Variants in COL16A1 observed in about 807,000 individuals in gnomAD.
COL16A1 encodes the protein collagen alpha-1(XVI) chain.
Under a neutral mutation model 266.3 loss-of-function variants are expected in COL16A1, and 189 were observed. That is an observed-to-expected ratio of 0.71 (90% CI 0.63 to 0.80). The LOEUF is 0.80. Ranked by LOEUF, COL16A1 falls within the 30% of genes least tolerant of loss-of-function variation. The probability of loss-of-function intolerance (pLI) is 0.00; values close to 1 mark genes in which losing one functional copy is unlikely to be tolerated. For missense variants in COL16A1, 1,928 were observed against 2,122.4 expected (o/e 0.91, Z 1.80); for synonymous variants, 740 against 782.3 (o/e 0.95, Z 0.90).
chr1:31,683,080 ACAGATCTTAGG>A, intron 36 of COL16A1, 78 bp from the exon 37 acceptor site: 3 of 1,610,120 alleles, frequency 1.9e-6, no homozygotes, highest in Non-Finnish European at 2.5e-6. Flanking sequence ...ACACATCTCA[ACAGATCTTAGG>A]CAGCCCTCTG....
chr1:31,665,393 T>A, intron 55 of COL16A1, 159 bp from the exon 56 acceptor site: 1 of 1,400,052 alleles, frequency 7.1e-7, no homozygotes, highest in Non-Finnish European at 9.7e-7. Context: ...CCTGCTGGGC[T>A]GGGGCCCACA....
Position 31,684,875 on chromosome 1 carries a change from C to T in COL16A1, c.2017-19G>A. ...CCTTGCCCTGAGGAGAAAGCATTTCCAGCACCCGCTCACTCATACCAGCCA... is the reference window on the plus strand; with the variant it reads ...CCTTGCCCTGAGGAGAAAGCATTTCTAGCACCCGCTCACTCATACCAGCCA... On this transcript the variant is annotated intron_variant, in intron 29 of 70. Coordinates refer to ENST00000373672, the MANE Select transcript of COL16A1 (RefSeq NM_001856.4). 1 of 1,613,426 alleles carries T rather than the reference C, an allele frequency of 6.2e-7. No homozygotes were observed. Among genetic ancestry groups the T allele is most frequent in the Non-Finnish European group, 8.5e-7 (1 of 1,180,026 alleles).
In COL16A1 at chr1:31,655,446, G is replaced by C. The variant is rs534878932; in HGVS notation, c.4158C>G (p.Gly1386=). The C allele has an allele frequency of 3.2e-5, 52 of 1,614,164 alleles. 1 individual carries two copies. The South Asian group carries it at 5.6e-4, about 17-fold the overall frequency. Residue 1386 remains glycine (G), a synonymous_variant, in exon 67 of 71, where the codon GGC becomes GGG. Transcript: ENST00000373672. ...CACTCTTGCCAGGTCCACCAGGCAT[G>C]CCGGCTCTCCCCTTCTCTCCTGCCT... ...KGQAGEKGRA[G]MPGGPGKSGS...
At chr1:31,695,970 C>T in intron 9 of COL16A1, 118 bp downstream of exon 9, 1 of 1,070,784 alleles carries the variant, frequency 9.3e-7, no homozygotes, top group East Asian at 2.4e-5. Flanking sequence ...TAAGCTCTGT[C>T]CAGGAGGTGG....
Position 31,700,943 on chromosome 1 carries a change from C to T in COL16A1, c.74-828G>A, listed in dbSNP as rs1644702874. On this transcript the variant is annotated intron_variant, in intron 2 of 70. Coordinates refer to ENST00000373672, the MANE Select transcript of COL16A1 (RefSeq NM_001856.4). The stretch of plus-strand genomic sequence containing the variant: ...AAAGAACAGGTGGGCAGCCATGGGC[C>T]TCCCTCGCCCTGGGGCTGACTGAGC... Among the ~76,000 whole-genome samples, 6 of 152,212 alleles carry T rather than the reference C, an allele frequency of 3.9e-5. No individual in the cohort carries two copies. The South Asian group carries it at 1.2e-3, about 31-fold the overall frequency.
At chr1:31,679,139 G>T in intron 42 of COL16A1, 1 of 340,918 alleles carries the variant, frequency 2.9e-6, no homozygotes, top group Non-Finnish European at 5.3e-6. Context: ...TCCTTAGTAT[G>T]TATCACTTTC....
In COL16A1 at chr1:31,679,833, T is replaced by C; in HGVS notation, c.2689A>G (p.Met897Val). 6.5e-7 allele frequency: 1 copy of C among 1,537,002 alleles called. No homozygotes were observed. Among genetic ancestry groups the C allele is most frequent in the East Asian group, 2.3e-5 (1 of 43,004 alleles). Reference protein sequence around the residue: ...SGMPGAPGLWMGSSWQPGPQG... With the variant: ...SGMPGAPGLWVGSSWQPGPQG... ...GGGCCCGGCTGCCAGGAGCTGCCCA[T>C]CCAAAGTCCCGGAGCACCCTGGGTG... The change falls in exon 41 of 71, where the codon ATG (methionine) becomes GTG (valine). Residue 897 changes from methionine (M) to valine (V), a missense_variant. Met to Val is a conservative substitution (Grantham distance 21). Coordinates refer to ENST00000373672, the MANE Select transcript of COL16A1 (RefSeq NM_001856.4).
Position 31,672,857 on chromosome 1 carries a change from G to A in COL16A1, c.2860-17C>T, listed in dbSNP as rs1437654231. The A allele has an allele frequency of 6.2e-7, 1 of 1,611,504 alleles. No homozygotes were observed. On this transcript the variant is annotated splice_polypyrimidine_tract_variant and intron_variant, in intron 44 of 70. Transcript: ENST00000373672. The stretch of plus-strand genomic sequence containing the variant: ...GCAGATACTCTGATCAGGGAGTGGG[G>A]AGAGGAGTGGGGCCTGGGTTAGAGA...
rs372122900 is a variant in COL16A1, at chr1:31,694,204, G to C, written c.982-34C>G. 4 of 1,559,436 alleles carry C rather than the reference G, an allele frequency of 2.6e-6. No homozygotes were observed. The East Asian group carries it at 9.4e-5, about 37-fold the overall frequency. ...ACAGAGGAGAGGGCATCACACTTCC[G>C]GTAGAGAGAGAAAACCAGGGGCCCA... is the stretch of plus-strand genomic sequence containing the variant. On this transcript the variant is annotated intron_variant, in intron 11 of 70. Transcript: ENST00000373672.
Position 31,672,594 on chromosome 1 carries a change from AC to A in COL16A1, c.3018+1del. ...TCGGGGGAGATAAGGCGAGGCACTC[AC>A]CCGGGCCTCCTCGGCTCTTGGGCGC... is the stretch of plus-strand genomic sequence containing the variant. On this transcript the variant is annotated splice_donor_variant, in intron 46 of 70. Coordinates refer to ENST00000373672, the MANE Select transcript of COL16A1 (RefSeq NM_001856.4). LOFTEE classifies it high-confidence loss of function. 1 of 1,607,182 alleles carries A rather than the reference AC, an allele frequency of 6.2e-7. No homozygotes were observed.
chr1:31,661,869 C>G, intron 58 of COL16A1, 165 bp from the exon 59 acceptor site: 2 of 726,598 alleles, frequency 2.8e-6, no homozygotes, highest in Non-Finnish European at 4.5e-6. Context: ...TCAGTGACTT[C>G]CAGCCCCTCT....
At chr1:31,679,533 T>G (rs756910406) in intron 42 of COL16A1, 99 bp downstream of exon 42, 52 of 1,613,810 alleles carry the variant, frequency 3.2e-5, no homozygotes. Flanking sequence ...TCTGTGTTTT[T>G]GGGGTGGGGG....
chr1:31,687,001 T>C (rs1644010888), intron 26 of COL16A1, among the ~76,000 whole-genome samples: 1 of 152,114 alleles, frequency 6.6e-6, no homozygotes, highest in Non-Finnish European at 1.5e-5. Context: ...CGGGGTCCTG[T>C]GAGATACAGT....
rs753033155 is a variant in COL16A1 at position 31,679,586 on chromosome 1, C to A, written c.2772+46G>T. 107 of 1,614,080 alleles carry A rather than the reference C, an allele frequency of 6.6e-5. 1 individual carries two copies. The East Asian group carries it at 2.4e-3, about 36-fold the overall frequency. ...CCAGCCGGGAGCAGCCATCCTGACC[C>A]ATGAGCTCTGCCACCCAAGCTCCTC... On this transcript the variant is annotated intron_variant, in intron 42 of 70. Coordinates refer to ENST00000373672, the MANE Select transcript of COL16A1 (RefSeq NM_001856.4).
chr1:31,653,835 T>C (rs1195923924), intron 69 of COL16A1, 32 bp downstream of exon 69: 1 of 1,593,346 alleles, frequency 6.3e-7, no homozygotes, highest in Middle Eastern at 1.7e-4. Flanking sequence ...AAGAATTACA[T>C]GTGTCCCTTG....
At position 31,668,881 on chromosome 1, in the gene COL16A1, T is replaced by C; in HGVS notation, c.3196-26A>G. The C allele has an allele frequency of 6.2e-7, 1 of 1,609,738 alleles. No homozygotes were observed. ...CTTGGAGAGAAAAATCATGAGAAAC[T>C]GCAGGAGCCGGCGGTCCCCACCCAG... On this transcript the variant is annotated intron_variant, in intron 49 of 70. Coordinates refer to ENST00000373672, the MANE Select transcript of COL16A1 (RefSeq NM_001856.4). The surrounding 1 kb of genome is among the most constrained non-coding windows in gnomAD (Gnocchi z 5.8).
intron 52 of COL16A1, 96 bp downstream of exon 52, chr1:31,667,479 G>A: frequency 7.5e-6 from 8 of 1,062,344 alleles, no homozygotes; most frequent in Admixed American, 2.2e-5. Flanking sequence ...CAGGGGTCAC[G>A]ATCCTCCCCT....
Position 31,657,677 on chromosome 1 carries a change from G to GA in COL16A1, c.4021-610dup, listed in dbSNP as rs745597193. ...CCACGGTCACTGCTGCTGCCCCCCA[G>GA]AAAAAGTCTGCGTTGATGGAAAGCA... is the stretch of plus-strand genomic sequence containing the variant. On this transcript the variant is annotated intron_variant, in intron 64 of 70. Coordinates refer to ENST00000373672, the MANE Select transcript of COL16A1 (RefSeq NM_001856.4). This position sits in a 1 kb window ranked among gnomAD's most constrained non-coding sequence, Gnocchi z 6.4. Among the ~76,000 whole-genome samples the GA allele has an allele frequency of 1.8e-3, 280 of 152,316 alleles. 3 individuals are homozygous for GA. Among genetic ancestry groups the GA allele is most frequent in the Non-Finnish European group, 2.3e-3 (155 of 68,022 alleles).
chr1:31,689,793 A>T lies in COL16A1; in HGVS notation c.1568T>A (p.Leu523His). Residue 523 changes from leucine (L) to histidine (H), a missense_variant, in exon 23 of 71, where the codon CTT becomes CAT. Physicochemically the swap from Leu to His is moderately conservative, Grantham distance 99. This residue lies in a region of COL16A1 where 1,552 missense variants were observed against 1,637.2 expected (regional missense o/e 0.95). Transcript: ENST00000373672. ...LPEGFQNFVG[L>H]PGKPGPKGEP... is the part of the protein sequence containing the mutation. Reference sequence around the variant, plus strand: ...CCCTTTGGGCCCTGGCTTTCCAGGAAGTCCAACAAAGTTCTGGAACCCTTC... The same window carrying T: ...CCCTTTGGGCCCTGGCTTTCCAGGATGTCCAACAAAGTTCTGGAACCCTTC... The T allele has an allele frequency of 6.2e-7, 1 of 1,614,162 alleles. No homozygotes were observed. Among genetic ancestry groups the T allele is most frequent in the Non-Finnish European group, 8.5e-7 (1 of 1,180,018 alleles).
Sources: gnomAD v4.1 joint callset for allele counts (sites outside exome capture counted in the v4.1 genomes callset) on GRCh38, gnomAD v4.1.1 for gene constraint, gnomAD v4.1.1 regional missense constraint, Gnocchi (gnomAD v3.1) non-coding constraint, MANE v1.5 for transcripts, NCBI Gene and HGNC (gene_info 2026-07-23, HGNC 2026-07-21) for gene names.